Variants in TCF12 observed in about 807,000 individuals in gnomAD.
TCF12 encodes the protein transcription factor 12, also known as DNA-binding protein HTF4.
Under a neutral mutation model 86.0 loss-of-function variants are expected in TCF12, and 45 were observed. That is an observed-to-expected ratio of 0.52 (90% confidence interval 0.41 to 0.67). TCF12 has a LOEUF of 0.67. Ranked by LOEUF, TCF12 falls within the 30% of genes least tolerant of loss-of-function variation. The pLI, the probability that TCF12 is intolerant of heterozygous loss-of-function variation, is 0.00. For synonymous variants in TCF12, 330 were observed against 299.6 expected (o/e 1.10, Z -1.05); for missense variants, 881 against 859.9 (o/e 1.02, Z -0.31).
At chr15:57,034,354 G>C (rs1276508991) in intron 3 of TCF12, among the ~76,000 whole-genome samples, 1 of 151,968 alleles carries the variant, frequency 6.6e-6, no homozygotes. Context: ...CCACTTCTGG[G>C]TGGGCAAGAA....
intron 3 of TCF12, among the ~76,000 whole-genome samples, chr15:57,036,052 C>G (rs2066487950): frequency 7.9e-6 from 1 of 126,674 alleles, no homozygotes; most frequent in African/African-American, 2.9e-5. Context: ...ATCCCACCCC[C>G]CACCCCCAGC....
intron 3 of TCF12, among the ~76,000 whole-genome samples, chr15:57,028,110 C>T (rs372634242): frequency 3.3e-5 from 5 of 152,110 alleles, no homozygotes; most frequent in South Asian, 2.1e-4. Flanking sequence ...AACACAGGCA[C>T]GCATCACCAC....
At chr15:57,233,116 T>G (rs1430333889) in intron 11 of TCF12, among the ~76,000 whole-genome samples, 1 of 149,544 alleles carries the variant, frequency 6.7e-6, no homozygotes, top group Non-Finnish European at 1.5e-5. Flanking sequence ...GTATATATGT[T>G]TGTGTATATA....
At chr15:56,985,998 A>C (rs988471086) in intron 3 of TCF12, among the ~76,000 whole-genome samples, 5 of 152,186 alleles carry the variant, frequency 3.3e-5, no homozygotes, top group Admixed American at 3.3e-4. Context: ...GAGATCACCC[A>C]GCAGTTTTTG....
intron 3 of TCF12, among the ~76,000 whole-genome samples, chr15:56,983,774 G>T (rs1272232818): frequency 6.6e-6 from 1 of 151,890 alleles, no homozygotes; most frequent in African/African-American, 2.4e-5. Flanking sequence ...GCCAAGGCAG[G>T]AGGATCAGTT....
intron 4 of TCF12, among the ~76,000 whole-genome samples, chr15:57,076,428 C>T (rs1442798184): frequency 3.9e-5 from 6 of 151,906 alleles, no homozygotes; most frequent in Admixed American, 6.6e-5. Flanking sequence ...GAGACTGAGG[C>T]GGGATCACAA....
intron 5 of TCF12, among the ~76,000 whole-genome samples, chr15:57,110,109 C>A (rs189761524): frequency 5.3e-4 from 81 of 152,246 alleles, no homozygotes; most frequent in Non-Finnish European, 1.1e-3. Flanking sequence ...TCTCAGCATG[C>A]ATTCTCATGA....
chr15:57,208,060 G>T (rs533182919), intron 8 of TCF12, among the ~76,000 whole-genome samples: 24 of 146,834 alleles, frequency 1.6e-4, no homozygotes, highest in African/African-American at 5.7e-4. Flanking sequence ...TAAAGACAGA[G>T]TATTGCTCAG....
intron 3 of TCF12, among the ~76,000 whole-genome samples, chr15:57,014,385 A>G (rs1163852389): frequency 6.6e-6 from 1 of 151,836 alleles, no homozygotes; most frequent in Non-Finnish European, 1.5e-5. Flanking sequence ...TGGAAATCCA[A>G]TATTGTTGAG....
chr15:57,233,015 A>G (rs999493521), intron 11 of TCF12, among the ~76,000 whole-genome samples, 159 bp downstream of exon 11: 14 of 122,350 alleles, frequency 1.1e-4, no homozygotes, highest in South Asian at 2.7e-4. Flanking sequence ...TATGTGTTAT[A>G]TATGTATATA....
upstream of TCF12, chr15:56,918,238 C>A (rs757512794): frequency 9.2e-5 from 42 of 456,316 alleles, no homozygotes; most frequent in African/African-American, 6.4e-4. Context: ...GTCCTGCGGC[C>A]TCGGGTTCCG....
intron 8 of TCF12, among the ~76,000 whole-genome samples, chr15:57,205,638 A>G (rs1363817857): frequency 1.3e-5 from 2 of 152,260 alleles, no homozygotes; most frequent in African/African-American, 4.8e-5. Context: ...CTTTGTATGT[A>G]AAGTACGTAA....
At chr15:57,211,568 A>G (rs1333997633) in intron 8 of TCF12, among the ~76,000 whole-genome samples, 1 of 152,238 alleles carries the variant, frequency 6.6e-6, no homozygotes, top group Admixed American at 6.5e-5. Flanking sequence ...AGAAGTTGTA[A>G]TTATGTTTTC....
intron 3 of TCF12, among the ~76,000 whole-genome samples, chr15:57,040,584 G>A (rs1293090003): frequency 6.6e-6 from 1 of 152,184 alleles, no homozygotes; most frequent in African/African-American, 2.4e-5. Flanking sequence ...GCTGTTTTTA[G>A]GCTGGTATTC....
intron 3 of TCF12, among the ~76,000 whole-genome samples, chr15:57,005,786 T>A (rs1327842662): frequency 1.3e-5 from 2 of 152,064 alleles, no homozygotes; most frequent in African/African-American, 4.8e-5. Flanking sequence ...CCCAGGCTGG[T>A]CTCGAACTCC....
intron 3 of TCF12, among the ~76,000 whole-genome samples, chr15:57,051,910 A>G (rs1485405377): frequency 6.6e-6 from 1 of 152,056 alleles, no homozygotes; most frequent in East Asian, 1.9e-4. Flanking sequence ...TTTCCCTATT[A>G]TGTATTCCTT....
intron 19 of TCF12, among the ~76,000 whole-genome samples, chr15:57,277,290 A>G (rs923205319): frequency 2.0e-5 from 3 of 151,670 alleles, no homozygotes; most frequent in Admixed American, 6.6e-5. Context: ...ATGCTACTAC[A>G]CTCCAGCCTG....
chr15:57,025,828 A>C (rs779754236), intron 3 of TCF12, among the ~76,000 whole-genome samples: 7 of 152,224 alleles, frequency 4.6e-5, no homozygotes, highest in Non-Finnish European at 8.8e-5. Flanking sequence ...TGGTGTCAGA[A>C]TCATAGATGG....
chr15:57,221,442 T>C (rs186882358), intron 8 of TCF12, among the ~76,000 whole-genome samples: 1 of 151,398 alleles, frequency 6.6e-6, no homozygotes, highest in African/African-American at 2.4e-5. Context: ...AAATTAATTA[T>C]GTAGGACCCT....
Sources: gnomAD v4.1 joint callset for allele counts (sites outside exome capture counted in the v4.1 genomes callset) on GRCh38, gnomAD v4.1.1 for gene constraint, MANE v1.5 for transcripts, NCBI Gene and HGNC (gene_info 2026-07-23, HGNC 2026-07-21) for gene names.